Variants in KAZN observed in about 807,000 individuals in gnomAD.
KAZN encodes kazrin, periplakin interacting protein.
A neutral mutation model predicts 87.4 loss-of-function variants in KAZN; 40 were observed. The observed-to-expected ratio is 0.46, with a 90% CI of 0.36 to 0.60. The LOEUF (loss-of-function observed/expected upper bound fraction) is 0.60. Ranked by LOEUF, KAZN falls within the 20% of genes least tolerant of loss-of-function variation. The pLI, the probability that KAZN is intolerant of heterozygous loss-of-function variation, is 0.00. For synonymous variants in KAZN, 466 were observed against 458.3 expected, an observed-to-expected ratio of 1.02 and a Z score of -0.22; for missense variants, 898 against 1,073.9, an observed-to-expected ratio of 0.84 and a Z score of 2.29.
chr1:14,801,172 C>T (rs570828707), intron 1 of KAZN, among the ~76,000 whole-genome samples: 1 of 152,152 alleles, frequency 6.6e-6, no homozygotes, highest in South Asian at 2.1e-4. Context: ...GGCTTTCCGG[C>T]AGCTGCCCTC....
chr1:14,993,975 T>G (rs1183622846), intron 2 of KAZN, among the ~76,000 whole-genome samples: 2 of 152,116 alleles, frequency 1.3e-5, no homozygotes, highest in Non-Finnish European at 2.9e-5. Flanking sequence ...GGTGTGTTTG[T>G]GGTTTAATGC....
chr1:14,111,038 G>C (rs1189216573), intron 1 of KAZN, among the ~76,000 whole-genome samples: 2 of 134,406 alleles, frequency 1.5e-5, no homozygotes, highest in African/African-American at 5.8e-5. Context: ...AATGGCCCTG[G>C]ATGACTCCTG....
At chr1:14,618,143 G>A (rs375241518) in intron 1 of KAZN, among the ~76,000 whole-genome samples, 13 of 152,318 alleles carry the variant, frequency 8.5e-5, no homozygotes, top group African/African-American at 1.2e-4. Flanking sequence ...AGCTGAGTCC[G>A]GCGCTTGCTT....
intron 1 of KAZN, among the ~76,000 whole-genome samples, chr1:13,970,798 T>A (rs936692067): frequency 2.6e-5 from 4 of 152,210 alleles, no homozygotes; most frequent in African/African-American, 9.6e-5. Context: ...GCTCCAAACC[T>A]TCTTCTGCTA....
intron 1 of KAZN, among the ~76,000 whole-genome samples, chr1:14,108,352 C>T (rs1557481763): frequency 1.3e-5 from 2 of 152,084 alleles, no homozygotes; most frequent in Admixed American, 6.5e-5. Context: ...AAGAGTGTGT[C>T]TCTGCTGAAT....
rs550169446 is a variant in KAZN at position 14,644,757 on chromosome 1, G to A, written c.226+45534G>A. Among the ~76,000 whole-genome samples, 105 of 152,312 alleles carry A rather than the reference G, an allele frequency of 6.9e-4. 1 individual carries two copies. The highest frequency in any genetic ancestry group is 2.3e-3 in the African/African-American group (96 of 41,564). ...AATATTTTCTCCCATTCTATAGGTT[G>A]TCTGTTTACCCTGTTGATAGTTTCT... On this transcript the variant is annotated intron_variant, in intron 1 of 14. Coordinates refer to ENST00000376030, the MANE Select transcript of KAZN (RefSeq NM_201628.3).
intron 1 of KAZN, among the ~76,000 whole-genome samples, chr1:14,161,609 A>G (rs764126890): frequency 3.9e-5 from 6 of 152,210 alleles, no homozygotes; most frequent in Non-Finnish European, 8.8e-5. Flanking sequence ...GGACATTTCC[A>G]CAATATCTTG....
intron 2 of KAZN, among the ~76,000 whole-genome samples, chr1:14,401,136 G>C (rs191633041): frequency 2.0e-5 from 3 of 152,296 alleles, no homozygotes; most frequent in Admixed American, 6.5e-5. Flanking sequence ...ATCAAATAAG[G>C]CTTCAAGGAA....
At chr1:14,223,470 G>A (rs1647157114) in intron 2 of KAZN, among the ~76,000 whole-genome samples, 2 of 152,100 alleles carry the variant, frequency 1.3e-5, no homozygotes, top group African/African-American at 2.4e-5. Flanking sequence ...CCCACTTTGT[G>A]CCATTTTATA....
At chr1:15,060,405 C>T in intron 6 of KAZN, 103 bp downstream of exon 6, 1 of 1,443,476 alleles carries the variant, frequency 6.9e-7, no homozygotes, top group Non-Finnish European at 9.6e-7. Context: ...CTCTCGTCCA[C>T]CCAGGGAGCA....
chr1:14,862,365 C>T (rs573653809), intron 1 of KAZN, among the ~76,000 whole-genome samples: 2 of 152,198 alleles, frequency 1.3e-5, no homozygotes, highest in East Asian at 3.9e-4. Flanking sequence ...AGAAGAGGAA[C>T]CTGGCTTTCT....
intron 1 of KAZN, among the ~76,000 whole-genome samples, chr1:14,939,672 G>T (rs1370651169): frequency 6.6e-6 from 1 of 152,202 alleles, no homozygotes; most frequent in African/African-American, 2.4e-5. Context: ...ACTTGAGGGT[G>T]TGCATTCTCG....
At chr1:14,891,239 AG>A (rs1184723170) in intron 1 of KAZN, among the ~76,000 whole-genome samples, 1 of 151,948 alleles carries the variant, frequency 6.6e-6, no homozygotes, top group African/African-American at 2.4e-5. Flanking sequence ...GTGATTTGTG[AG>A]ATTTTGGTGC....
chr1:13,910,517 AGT>A lies in KAZN; in HGVS notation c.91+16769_91+16770del, dbSNP rs566356718. Among the ~76,000 whole-genome samples, 199 of 150,436 alleles carry A rather than the reference AGT, an allele frequency of 1.3e-3. 1 individual carries two copies. The highest frequency in any genetic ancestry group is 3.4e-3 in the Middle Eastern group (1 of 290). The stretch of plus-strand genomic sequence containing the variant: ...GTGAGACTCTGTCTAAAAAAAAAAA[AGT>A]GTGTGTGACACCTCCCCCACCTTGC... On this transcript the variant is annotated intron_variant, in intron 1 of 16. Transcript: ENST00000636203.
At chr1:14,815,698 G>A (rs1646541880) in intron 1 of KAZN, among the ~76,000 whole-genome samples, 1 of 152,128 alleles carries the variant, frequency 6.6e-6, no homozygotes, top group South Asian at 2.1e-4. Flanking sequence ...CACAAACCTG[G>A]GAACTTACAG....
chr1:14,923,695 G>T lies in KAZN; in HGVS notation c.227-36989G>T, dbSNP rs1330836871. Among the ~76,000 whole-genome samples the T allele has an allele frequency of 6.6e-6, 1 of 152,176 alleles. No individual in the cohort carries two copies. Among genetic ancestry groups the T allele is most frequent in the African/African-American group, 2.4e-5 (1 of 41,440 alleles). ...ATTCCCCTCACTTAGAGGATGGCCG[G>T]TCACACGCAAAGATGAGCGAAGGAA... On this transcript the variant is annotated intron_variant, in intron 1 of 14. Coordinates refer to ENST00000376030, the MANE Select transcript of KAZN (RefSeq NM_201628.3). This position sits in a 1 kb window ranked among gnomAD's most constrained non-coding sequence, Gnocchi z 4.2.
At chr1:14,382,351 G>A (rs1329224717) in intron 2 of KAZN, among the ~76,000 whole-genome samples, 1 of 151,724 alleles carries the variant, frequency 6.6e-6, no homozygotes, top group Non-Finnish European at 1.5e-5. Context: ...AAGTTTTAGG[G>A]TACATGTGCA....
chr1:14,619,262 A>G (rs1025733166), intron 1 of KAZN, among the ~76,000 whole-genome samples: 4 of 151,938 alleles, frequency 2.6e-5, no homozygotes, highest in African/African-American at 4.8e-5. Flanking sequence ...CAGTGATGCA[A>G]TCATAGCTCA....
intron 2 of KAZN, among the ~76,000 whole-genome samples, chr1:14,458,103 G>C (rs1667669549): frequency 1.3e-5 from 2 of 152,204 alleles, no homozygotes; most frequent in South Asian, 2.1e-4. Flanking sequence ...ATTACAGGTA[G>C]AGCCACCACG....
Sources: gnomAD v4.1 joint callset for allele counts (sites outside exome capture counted in the v4.1 genomes callset) on GRCh38, gnomAD v4.1.1 for gene constraint, Gnocchi (gnomAD v3.1) non-coding constraint, MANE v1.5 for transcripts, NCBI Gene and HGNC (gene_info 2026-07-23, HGNC 2026-07-21) for gene names.